The following RGS17 variants were observed in gnomAD, a reference collection of about 807,000 sequenced individuals.
RGS17 encodes the protein regulator of G-protein signaling 17.
A neutral mutation model predicts 25.5 loss-of-function variants in RGS17; 12 were observed. The ratio of observed to expected loss-of-function variants is 0.47; its 90% CI spans 0.30 to 0.76. The LOEUF is 0.76. RGS17 is among the 30% of genes least tolerant of loss of function. The pLI is 0.07. For synonymous variants in RGS17, 71 were observed against 76.9 expected (o/e 0.92, Z 0.40); for missense variants, 196 against 242.2 (o/e 0.81, Z 1.27).
chr6:153,118,161 C>T (rs1316274857), intron 1 of RGS17, among the ~76,000 whole-genome samples: 1 of 152,178 alleles, frequency 6.6e-6, no homozygotes, highest in Non-Finnish European at 1.5e-5. Context: ...CCTTGCATCT[C>T]CTCTCTTGGA....
intron 1 of RGS17, among the ~76,000 whole-genome samples, chr6:153,068,338 T>C (rs538711504): frequency 6.6e-6 from 1 of 151,978 alleles, no homozygotes; most frequent in Non-Finnish European, 1.5e-5. Context: ...TCCCAGCTAC[T>C]TGGGAGGCTG....
chr6:153,025,397 T>C (rs1779288988), intron 3 of RGS17, among the ~76,000 whole-genome samples: 1 of 151,662 alleles, frequency 6.6e-6, no homozygotes, highest in African/African-American at 2.4e-5. Context: ...GGAAGCAGAG[T>C]GCTTCTATAA....
chr6:153,099,867 C>A (rs765023458), intron 1 of RGS17, among the ~76,000 whole-genome samples: 22 of 152,090 alleles, frequency 1.4e-4, no homozygotes, highest in Admixed American at 7.9e-4. Context: ...CACCTGGCAC[C>A]CAGTCCCTCA....
intron 1 of RGS17, among the ~76,000 whole-genome samples, chr6:153,057,957 A>G (rs1776582905): frequency 6.6e-6 from 1 of 152,192 alleles, no homozygotes; most frequent in Non-Finnish European, 1.5e-5. Flanking sequence ...CCTACTATGT[A>G]TCCCAGTTCC....
chr6:153,088,088 G>C (rs1777076406), intron 1 of RGS17, among the ~76,000 whole-genome samples: 1 of 152,194 alleles, frequency 6.6e-6, no homozygotes, highest in East Asian at 1.9e-4. Flanking sequence ...AACTGATACA[G>C]TCCTTGCTAG....
At chr6:153,127,582 A>G (rs112342596) in intron 1 of RGS17, among the ~76,000 whole-genome samples, 536 of 152,340 alleles carry the variant, frequency 3.5e-3, no homozygotes, top group South Asian at 8.5e-3. Context: ...ATACAAGCTA[A>G]AGCCAGCTTG....
At chr6:153,096,954 G>T (rs1411585047) in intron 1 of RGS17, among the ~76,000 whole-genome samples, 1 of 152,126 alleles carries the variant, frequency 6.6e-6, no homozygotes, top group African/African-American at 2.4e-5. Context: ...ATTGACAATA[G>T]GGGAAGCATC....
intron 4 of RGS17, among the ~76,000 whole-genome samples, chr6:153,017,859 A>G (rs967273373): frequency 3.3e-5 from 5 of 152,184 alleles, no homozygotes; most frequent in East Asian, 3.9e-4. Flanking sequence ...AATTTTACCA[A>G]TGGTAACATC....
chr6:153,026,428 A>G (rs1305633173), intron 3 of RGS17, 26 bp downstream of exon 3: 2 of 1,539,862 alleles, frequency 1.3e-6, no homozygotes, highest in Non-Finnish European at 1.8e-6. Flanking sequence ...TGCAAGAAAC[A>G]ATAGCTATGT....
chr6:153,064,023 TAAAG>T (rs1047937277), intron 1 of RGS17, among the ~76,000 whole-genome samples: 139 of 151,698 alleles, frequency 9.2e-4, no homozygotes, highest in African/African-American at 3.2e-3. Flanking sequence ...GAAGGAGAAA[TAAAG>T]ACTTTCCCAA....
In RGS17 at chr6:153,005,118, T is replaced by G. The variant is rs1779060652; in HGVS notation, c.*6456A>C. ...CATTATTTCAATATTCAGTGTTCAT[T>G]GATTAGTGGAGGGCAATATAAAAAT... On this transcript the variant is annotated 3_prime_UTR_variant, in exon 5 of 5. Coordinates refer to ENST00000206262, the MANE Select transcript of RGS17 (RefSeq NM_012419.5). 1 of 152,232 alleles carries G rather than the reference T, an allele frequency of 6.6e-6. No individual in the cohort carries two copies. The highest frequency in any genetic ancestry group is 2.1e-4 in the South Asian group (1 of 4,836). 9.4% of individuals were successfully genotyped at this position (152,232 alleles called of 1,614,324 possible).
chr6:153,044,792 G>A (rs1776368056), intron 1 of RGS17, among the ~76,000 whole-genome samples: 1 of 152,192 alleles, frequency 6.6e-6, no homozygotes, highest in African/African-American at 2.4e-5. Flanking sequence ...GATACAGAAT[G>A]TCCTATCTGT....
At chr6:153,024,664 T>A (rs1474833490) in intron 3 of RGS17, among the ~76,000 whole-genome samples, 168 bp from the exon 4 acceptor site, 1 of 152,212 alleles carries the variant, frequency 6.6e-6, no homozygotes, top group Non-Finnish European at 1.5e-5. Context: ...CTGTCAGGAC[T>A]ACGTCAGTTA....
intron 1 of RGS17, among the ~76,000 whole-genome samples, chr6:153,075,382 C>A (rs1389938537): frequency 2.0e-5 from 3 of 152,186 alleles, no homozygotes; most frequent in Non-Finnish European, 4.4e-5. Context: ...TGTGTCTATT[C>A]AACTGTTCCA....
At chr6:153,025,678 A>G (rs1002679364) in intron 3 of RGS17, among the ~76,000 whole-genome samples, 2 of 134,448 alleles carry the variant, frequency 1.5e-5, no homozygotes, top group African/African-American at 5.6e-5. Flanking sequence ...ATATAAACAT[A>G]TATATAAACA....
intron 1 of RGS17, among the ~76,000 whole-genome samples, chr6:153,097,155 T>C (rs954031142): frequency 6.6e-6 from 1 of 152,158 alleles, no homozygotes; most frequent in Non-Finnish European, 1.5e-5. Flanking sequence ...TTATCAAATA[T>C]TTCTTATGAG....
intron 1 of RGS17, among the ~76,000 whole-genome samples, chr6:153,094,780 C>T (rs1777184228): frequency 6.6e-6 from 1 of 152,162 alleles, no homozygotes; most frequent in African/African-American, 2.4e-5. Context: ...CTCATTTACA[C>T]ATGGCACATA....
intron 2 of RGS17, among the ~76,000 whole-genome samples, chr6:153,031,551 G>A (rs1258051783): frequency 1.3e-5 from 2 of 152,146 alleles, no homozygotes; most frequent in Non-Finnish European, 2.9e-5. Context: ...AACAGTTATT[G>A]GGGTTGACTT....
intron 1 of RGS17, among the ~76,000 whole-genome samples, chr6:153,114,319 T>C (rs1777514593): frequency 6.6e-6 from 1 of 151,988 alleles, no homozygotes. Flanking sequence ...ACAAATAAGC[T>C]AGAAAATGTA....
Sources: allele counts gnomAD v4.1 joint callset (sites outside exome capture counted in the v4.1 genomes callset), GRCh38; gene constraint gnomAD v4.1.1; transcripts MANE v1.5; gene names NCBI Gene and HGNC (gene_info 2026-07-23, HGNC 2026-07-21).